Variants in CDK6 observed in about 807,000 individuals in gnomAD.
The protein encoded by CDK6 is cyclin dependent kinase 6.
CDK6 carries 6 observed loss-of-function variants against 37.1 expected under a neutral mutation model. That is an observed-to-expected ratio of 0.16 (90% CI 0.09 to 0.32). CDK6 has a LOEUF of 0.32. CDK6 is among the 10% of genes least tolerant of loss of function. The pLI is 1.00. For missense variants in CDK6, 224 were observed against 418.9 expected, an observed-to-expected ratio of 0.53 and a Z score of 4.06; for synonymous variants, 160 against 161.3, an observed-to-expected ratio of 0.99 and a Z score of 0.06.
chr7:92,742,480 C>T (rs933440941), intron 3 of CDK6, among the ~76,000 whole-genome samples: 8 of 152,170 alleles, frequency 5.3e-5, no homozygotes, highest in Non-Finnish European at 7.4e-5. Flanking sequence ...TCAGGCTCAC[C>T]AGTGCTATCT....
At position 92,610,979 on chromosome 7, in the gene CDK6, AC is replaced by A. The variant is rs557739945; in HGVS notation, c.*4160del. On this transcript the variant is annotated 3_prime_UTR_variant, in exon 8 of 8. Transcript: ENST00000424848. Reference sequence around the variant, plus strand: ...GTACAGGTAATTTAGTTTGCTTGGGACAGCTTCTCCATAACATTTGTTTTCG... The same window carrying A: ...GTACAGGTAATTTAGTTTGCTTGGGAAGCTTCTCCATAACATTTGTTTTCG... 2.9e-4 allele frequency: 67 copies of A among 228,194 alleles called. No homozygotes were observed. The highest frequency in any genetic ancestry group is 5.0e-4 in the Non-Finnish European group (58 of 114,902). The allele number at this position is 228,194 out of a possible 1,614,324, so 14.1% of individuals were successfully genotyped here. A position where few individuals can be genotyped will look rare whatever the true frequency, so the allele number is the denominator to read the frequency against.
chr7:92,729,807 G>C (rs937330944), intron 3 of CDK6, among the ~76,000 whole-genome samples: 1 of 152,076 alleles, frequency 6.6e-6, no homozygotes, highest in Non-Finnish European at 1.5e-5. Context: ...GAGTGCAGTG[G>C]TGCCATCATA....
At position 92,615,277 on chromosome 7, in the gene CDK6, T is replaced by C. The variant is rs2116477667; in HGVS notation, c.844A>G (p.Thr282Ala). The change falls in exon 8 of 8, where the codon ACA (threonine) becomes GCA (alanine). Residue 282 changes from threonine to alanine, a missense_variant. Coordinates refer to ENST00000424848, the MANE Select transcript of CDK6 (RefSeq NM_001145306.2). ...GATATTCTTTTGGCTGGGTTAAATG[T>C]CAAACACTTCTGTAATAAAGAAAAA... is the stretch of plus-strand genomic sequence containing the variant. ...LGKDLLLKCL[T>A]FNPAKRISAY... The C allele has an allele frequency of 6.2e-7, 1 of 1,613,230 alleles. No homozygotes were observed. Among genetic ancestry groups the C allele is most frequent in the Non-Finnish European group, 8.5e-7 (1 of 1,179,238 alleles).
chr7:92,752,685 T>C (rs1392284646), intron 3 of CDK6, among the ~76,000 whole-genome samples: 1 of 152,212 alleles, frequency 6.6e-6, no homozygotes, highest in Non-Finnish European at 1.5e-5. Context: ...TGGAATTACA[T>C]ACAGACATAT....
chr7:92,662,758 A>G (rs575297902), intron 5 of CDK6, among the ~76,000 whole-genome samples: 1 of 152,268 alleles, frequency 6.6e-6, no homozygotes, highest in South Asian at 2.1e-4. Flanking sequence ...TTGCTGGAAA[A>G]TCATGGGTCC....
At chr7:92,786,960 G>C (rs1298219337) in intron 2 of CDK6, among the ~76,000 whole-genome samples, 9 of 151,862 alleles carry the variant, frequency 5.9e-5, no homozygotes. Flanking sequence ...GAGGGGGGTG[G>C]ATCACTTGAG....
chr7:92,685,830 AC>A (rs1344792677), intron 4 of CDK6, among the ~76,000 whole-genome samples: 1 of 152,176 alleles, frequency 6.6e-6, no homozygotes, highest in Admixed American at 6.5e-5. Flanking sequence ...ACTTGAAGTA[AC>A]CTGATGTTAA....
chr7:92,618,265 C>T, intron 6 of CDK6, 58 bp from the exon 7 acceptor site: 2 of 1,581,966 alleles, frequency 1.3e-6, no homozygotes, highest in South Asian at 2.3e-5. Context: ...GCTGTTTTCT[C>T]ATCAATTTCC....
At chr7:92,756,162 A>G (rs1274863712) in intron 3 of CDK6, among the ~76,000 whole-genome samples, 1 of 151,832 alleles carries the variant, frequency 6.6e-6, no homozygotes, top group Non-Finnish European at 1.5e-5. Context: ...AAAATTGTAA[A>G]AAAAAAAAGA....
At chr7:92,631,017 T>C (rs1192086029) in intron 5 of CDK6, among the ~76,000 whole-genome samples, 1 of 152,122 alleles carries the variant, frequency 6.6e-6, no homozygotes, top group Non-Finnish European at 1.5e-5. Context: ...TCGACCAAAT[T>C]AGAACCTCAC....
chr7:92,618,297 G>T, intron 6 of CDK6, 90 bp from the exon 7 acceptor site: 1 of 1,308,804 alleles, frequency 7.6e-7, no homozygotes. Context: ...AAATCTAAGG[G>T]GGAGACATGG....
Position 92,647,371 on chromosome 7 carries a change from T to G in CDK6, c.647+24055A>C, listed in dbSNP as rs147293614. Among the ~76,000 whole-genome samples, 459 of 152,304 alleles carry G rather than the reference T, an allele frequency of 3.0e-3. 4 individuals are homozygous for G. The highest frequency in any genetic ancestry group is 0.011 in the African/African-American group (447 of 41,554). ...ATTTTACTCTGGGTCAGGAAAGGTT[T>G]CTTTAAGGAAATAACATTTAAGATG... On this transcript the variant is annotated intron_variant, in intron 5 of 7. Transcript: ENST00000424848.
In CDK6 at chr7:92,834,068, T is replaced by C. The variant is rs1801578148; in HGVS notation, c.-367-378A>G. ...CTTAATATTTATCCCTATATCATTG[T>C]GTTGCGCCGCTACCCTCCCCGCCTC... On this transcript the variant is annotated intron_variant, in intron 1 of 7. Transcript: ENST00000424848. This position sits in a 1 kb window ranked among gnomAD's most constrained non-coding sequence, Gnocchi z 4.6. Among the ~76,000 whole-genome samples the C allele has an allele frequency of 6.6e-6, 1 of 151,632 alleles. No individual in the cohort carries two copies. The highest frequency in any genetic ancestry group is 2.4e-5 in the African/African-American group (1 of 41,208).
rs1554403912 is a variant in CDK6 at position 92,695,282 on chromosome 7, A to AAAAAG, written c.538-23748_538-23747insCTTTT. Reference sequence around the variant, plus strand: ...AAGGGACCCTGAGGTAAAAAAAAAAAAAAGAAAGAAAGAAAGAAAGAAAAA... The same window carrying AAAAAG: ...AAGGGACCCTGAGGTAAAAAAAAAAAAAAAGAAAGAAAGAAAGAAAGAAAGAAAAA... On this transcript the variant is annotated intron_variant, in intron 4 of 7. Coordinates refer to ENST00000424848, the MANE Select transcript of CDK6 (RefSeq NM_001145306.2). Among the ~76,000 whole-genome samples, 866 of 149,944 alleles carry AAAAAG rather than the reference A, an allele frequency of 5.8e-3. 5 individuals carry two copies. Among genetic ancestry groups the AAAAAG allele is most frequent in the African/African-American group, 0.02 (805 of 40,198 alleles).
intron 4 of CDK6, among the ~76,000 whole-genome samples, chr7:92,692,347 T>C (rs1055949536): frequency 6.6e-6 from 1 of 152,206 alleles, no homozygotes; most frequent in African/African-American, 2.4e-5. Context: ...CAGGAAGGAA[T>C]TTCAATAGTC....
At chr7:92,668,595 A>G (rs993380863) in intron 5 of CDK6, among the ~76,000 whole-genome samples, 10 of 152,192 alleles carry the variant, frequency 6.6e-5, no homozygotes, top group African/African-American at 2.4e-4. Flanking sequence ...CCCCATCTCT[A>G]CAAAAAATAA....
intron 4 of CDK6, among the ~76,000 whole-genome samples, chr7:92,673,277 T>C (rs1797130358): frequency 6.6e-6 from 1 of 152,214 alleles, no homozygotes; most frequent in Non-Finnish European, 1.5e-5. Flanking sequence ...TTATGAGTGA[T>C]AATAAAATGA....
intron 4 of CDK6, 71 bp downstream of exon 4, chr7:92,725,555 G>C (rs1481667647): frequency 6.8e-7 from 1 of 1,464,862 alleles, no homozygotes; most frequent in African/African-American, 1.4e-5. Context: ...TTAGAGACAT[G>C]GAAGAGGGAC....
At chr7:92,736,467 G>T (rs770347409) in intron 3 of CDK6, among the ~76,000 whole-genome samples, 1 of 152,134 alleles carries the variant, frequency 6.6e-6, no homozygotes, top group Non-Finnish European at 1.5e-5. Flanking sequence ...GCACAAGAGC[G>T]CTAGGCACTG....
Sources: allele counts gnomAD v4.1 joint callset (sites outside exome capture counted in the v4.1 genomes callset), GRCh38; gene constraint gnomAD v4.1.1; non-coding constraint Gnocchi (gnomAD v3.1); transcripts MANE v1.5; gene names NCBI Gene and HGNC (gene_info 2026-07-23, HGNC 2026-07-21).